Variants in DNAJC18 observed in about 807,000 individuals in gnomAD.
DNAJC18 encodes dnaJ homolog subfamily C member 18.
DNAJC18 carries 40 observed loss-of-function variants against 48.6 expected under a neutral mutation model. The observed-to-expected ratio is 0.82, with a 90% confidence interval of 0.64 to 1.07. DNAJC18 has a LOEUF of 1.07. Ranked by LOEUF, DNAJC18 falls within the 50% of genes least tolerant of loss-of-function variation. The probability of loss-of-function intolerance (pLI) is 0.00; values close to 1 mark genes in which losing one functional copy is unlikely to be tolerated. For missense variants in DNAJC18, 340 were observed against 427.7 expected, an observed-to-expected ratio of 0.79 and a Z score of 1.81; for synonymous variants, 135 against 152.2, an observed-to-expected ratio of 0.89 and a Z score of 0.83.
chr5:139,437,977 G>A (rs190098228), intron 1 of DNAJC18, among the ~76,000 whole-genome samples: 252 of 152,314 alleles, frequency 1.7e-3, no homozygotes, highest in Non-Finnish European at 3.2e-3. Flanking sequence ...GGTGGCATGT[G>A]GCCCAGCACG....
chr5:139,417,106 C>T (rs1409240546), intron 7 of DNAJC18, among the ~76,000 whole-genome samples: 2 of 151,112 alleles, frequency 1.3e-5, no homozygotes, highest in African/African-American at 4.9e-5. Context: ...AGGAGAATCG[C>T]TTGAACCTGG....
intron 5 of DNAJC18, among the ~76,000 whole-genome samples, chr5:139,424,717 CAAAAAAAAAAAAAAAAAAAA>C (rs70982777): frequency 3.9e-4 from 9 of 23,120 alleles, no homozygotes; most frequent in African/African-American, 1.1e-3. Flanking sequence ...GACCCTCTCT[CAAAAAAAAAAAAAAAAAAAA>C]AAAAAAAAAA....
chr5:139,419,767 GA>G (rs988762610), intron 7 of DNAJC18, among the ~76,000 whole-genome samples: 33 of 152,316 alleles, frequency 2.2e-4, no homozygotes, highest in African/African-American at 3.1e-4. Flanking sequence ...GGGGAGAGGA[GA>G]GGGGGCAGAT....
At chr5:139,423,783 T>C (rs1417567197) in intron 5 of DNAJC18, among the ~76,000 whole-genome samples, 1 of 151,832 alleles carries the variant, frequency 6.6e-6, no homozygotes, top group Admixed American at 6.6e-5. Context: ...TCTGAAATAC[T>C]ACTGGTCCAA....
chr5:139,433,207 C>T (rs1263997923), intron 2 of DNAJC18, among the ~76,000 whole-genome samples: 2 of 152,130 alleles, frequency 1.3e-5, no homozygotes, highest in Non-Finnish European at 2.9e-5. Context: ...TACCTGCTGG[C>T]ATTAAGTGCA....
intron 3 of DNAJC18, among the ~76,000 whole-genome samples, chr5:139,427,321 T>C (rs1759259711): frequency 6.6e-6 from 1 of 152,208 alleles, no homozygotes; most frequent in African/African-American, 2.4e-5. Context: ...CGTGCAAACC[T>C]TGCCCAATTT....
intron 3 of DNAJC18, among the ~76,000 whole-genome samples, chr5:139,426,765 T>C (rs1165038151): frequency 2.0e-5 from 3 of 152,178 alleles, no homozygotes; most frequent in African/African-American, 7.2e-5. Flanking sequence ...CAGTGGCTCA[T>C]GCCTATAATC....
rs1437773735 is a variant in DNAJC18, at chr5:139,414,101, T to C, written c.*47A>G. 4 of 1,585,280 alleles carry C rather than the reference T, an allele frequency of 2.5e-6. No homozygotes were observed. The South Asian group carries it at 4.6e-5, about 18-fold the overall frequency. On this transcript the variant is annotated 3_prime_UTR_variant, in exon 8 of 8. Coordinates refer to ENST00000302060, the MANE Select transcript of DNAJC18 (RefSeq NM_152686.4). ...TATAAAATGGAATCAGGAACATAAA[T>C]AGGAACAAGTAGCAAAACCCCAGCC...
chr5:139,420,316 T>G, intron 6 of DNAJC18, 91 bp from the exon 7 acceptor site: 4 of 1,281,244 alleles, frequency 3.1e-6, no homozygotes, highest in Non-Finnish European at 4.3e-6. Context: ...CATCATCATC[T>G]GCTCATAGAG....
In DNAJC18 at chr5:139,411,787, T is replaced by A. The variant is rs528580725; in HGVS notation, c.*2361A>T. ...CAGATTACTTATCGCTGCCATGAAG[T>A]CCATAAAATGTGTGACTACCTGATT... On this transcript the variant is annotated 3_prime_UTR_variant, in exon 8 of 8. Coordinates refer to ENST00000302060, the MANE Select transcript of DNAJC18 (RefSeq NM_152686.4). The A allele has an allele frequency of 6.6e-6, 1 of 152,350 alleles. No homozygotes were observed. The highest frequency in any genetic ancestry group is 1.9e-4 in the East Asian group (1 of 5,190). The allele number at this position is 152,350 out of a possible 1,614,324, so 9.4% of individuals were successfully genotyped here.
At chr5:139,431,354 T>TAGTCAC (rs1201171985) in intron 2 of DNAJC18, among the ~76,000 whole-genome samples, 1 of 152,192 alleles carries the variant, frequency 6.6e-6, no homozygotes, top group East Asian at 1.9e-4. Flanking sequence ...TACTCCTTAG[T>TAGTCAC]AGTCACTCCC....
intron 2 of DNAJC18, among the ~76,000 whole-genome samples, chr5:139,431,669 A>T (rs1759331840): frequency 1.3e-5 from 2 of 152,220 alleles, no homozygotes; most frequent in South Asian, 4.1e-4. Context: ...ACATTCATGT[A>T]CAAGTTTTTT....
In DNAJC18 at chr5:139,425,074, G is replaced by A. The variant is rs77446220; in HGVS notation, c.600C>T (p.Tyr200=). 272 of 1,613,066 alleles carry A rather than the reference G, an allele frequency of 1.7e-4. 2 individuals carry two copies. The East Asian group carries it at 3.9e-3, about 23-fold the overall frequency. The change falls in exon 5 of 8, where the codon TAC becomes TAT. Residue 200 remains tyrosine (Y), a synonymous_variant. Transcript: ENST00000302060. ...HMFSNVTDDT[Y]YYRRRHRHER... ...CATGTCGGTGCCGTCGACGGTAATA[G>A]TAAGTGTCATCTGTCACATTTGAAA...
At chr5:139,415,447 TA>T (rs1418719063) in intron 7 of DNAJC18, among the ~76,000 whole-genome samples, 1 of 152,212 alleles carries the variant, frequency 6.6e-6, no homozygotes, top group African/African-American at 2.4e-5. Context: ...TGGATATGCA[TA>T]AAAACCCTCC....
chr5:139,423,036 C>T (rs566556292), intron 5 of DNAJC18, among the ~76,000 whole-genome samples: 2 of 151,920 alleles, frequency 1.3e-5, no homozygotes, highest in East Asian at 1.9e-4. Flanking sequence ...AGGGTTTCAC[C>T]GCAGCCAGGA....
At chr5:139,437,310 A>C (rs1286349850) in intron 2 of DNAJC18, 62 bp downstream of exon 2, 3 of 1,515,592 alleles carry the variant, frequency 2.0e-6, no homozygotes, top group Non-Finnish European at 2.7e-6. Context: ...TACATAGCAC[A>C]TCCAGGCACT....
intron 2 of DNAJC18, among the ~76,000 whole-genome samples, chr5:139,432,650 A>G (rs1759348679): frequency 6.6e-6 from 1 of 152,194 alleles, no homozygotes; most frequent in African/African-American, 2.4e-5. Flanking sequence ...AGAACTTTTT[A>G]AAGGCAGTCC....
At chr5:139,420,388 G>A in intron 6 of DNAJC18, 163 bp from the exon 7 acceptor site, 1 of 649,278 alleles carries the variant, frequency 1.5e-6, no homozygotes, top group South Asian at 2.4e-5. Flanking sequence ...AAAGTTGTAA[G>A]TATAACATCA....
At position 139,413,118 on chromosome 5, in the gene DNAJC18, T is replaced by A. The variant is rs1220422814; in HGVS notation, c.*1030A>T. 2.6e-6 allele frequency: 1 copy of A among 389,920 alleles called. No homozygotes were observed. The highest frequency in any genetic ancestry group is 4.4e-5 in the Admixed American group (1 of 22,472). The allele number at this position is 389,920 out of a possible 1,614,324, so 24.2% of individuals were successfully genotyped here. On this transcript the variant is annotated 3_prime_UTR_variant, in exon 8 of 8. Transcript: ENST00000302060. ...AAATATGTGTGAGAGCCCCTGCTTT[T>A]ATAGTAGGCACTCAATAAATGTTGA...
Sources: gnomAD v4.1 joint callset for allele counts (sites outside exome capture counted in the v4.1 genomes callset) on GRCh38, gnomAD v4.1.1 for gene constraint, MANE v1.5 for transcripts, NCBI Gene and HGNC (gene_info 2026-07-23, HGNC 2026-07-21) for gene names.